The following PLXND1 variants were observed in gnomAD, a reference collection of about 807,000 sequenced individuals.
The protein encoded by PLXND1 is plexin-D1.
PLXND1 carries 54 observed loss-of-function variants against 197.7 expected under a neutral mutation model. The observed-to-expected ratio is 0.27, with a 90% confidence interval of 0.22 to 0.34. The LOEUF is 0.34. Ranked by LOEUF, PLXND1 falls within the 10% of genes least tolerant of loss-of-function variation. The pLI, the probability that PLXND1 is intolerant of heterozygous loss-of-function variation, is 1.00. For missense variants in PLXND1, 2,127 were observed against 2,699.2 expected (o/e 0.79, Z 4.70); for synonymous variants, 1,180 against 1,161.2 (o/e 1.02, Z -0.33).
chr3:129,571,897 C>A (rs369507843), intron 15 of PLXND1, 53 bp from the exon 16 acceptor site: 2 of 1,519,870 alleles, frequency 1.3e-6, no homozygotes, highest in Non-Finnish European at 1.8e-6. Context: ...GCTCACCCAC[C>A]GCCAATGCCC....
rs752707971 is a variant in PLXND1, at chr3:129,606,288, G to T, written c.352C>A (p.Arg118=). The change falls in exon 1 of 36, where the codon CGG becomes AGG. Residue 118 remains arginine (R), a synonymous_variant. Coordinates refer to ENST00000324093, the MANE Select transcript of PLXND1 (RefSeq NM_015103.3). ...TTGTTGTAGTTGTCCGTGAGGCGCC[G>T]CGGGTGCTCGCACGAGGCCTGCGGC... is the stretch of plus-strand genomic sequence containing the variant. ...QLPQASCEHP[R]RLTDNYNKIL... 6 of 1,530,962 alleles carry T rather than the reference G, an allele frequency of 3.9e-6. No homozygotes were observed. The African/African-American group carries it at 7.2e-5, about 18-fold the overall frequency. The allele number at this position is 1,530,962 out of a possible 1,614,324, so 94.8% of individuals were successfully genotyped here. A position where few individuals can be genotyped will look rare whatever the true frequency, so the allele number is the denominator to read the frequency against.
rs775659642 is a variant in PLXND1 at position 129,573,726 on chromosome 3, G to T, written c.2705C>A (p.Pro902Gln). 2.0e-5 allele frequency: 32 copies of T among 1,613,362 alleles called. No homozygotes were observed. The African/African-American group carries it at 2.7e-4, about 13-fold the overall frequency. Reference sequence around the variant, plus strand: ...GGTCAGCAGGGTCCCACCGTCCAACGGGCCACTCAGGGGCTCAATCTGCCA... The same window carrying T: ...GGTCAGCAGGGTCCCACCGTCCAACTGGCCACTCAGGGGCTCAATCTGCCA... ...EIHAIEPLSG[P>Q]LDGGTLLTIR... The change falls in exon 13 of 36, where the codon CCG becomes CAG. Residue 902 changes from proline to glutamine, a missense_variant. Pro to Gln is a moderately conservative substitution (Grantham distance 76). Transcript: ENST00000324093.
rs2084986593 is a variant in PLXND1, at chr3:129,557,140, C to T, written c.5529G>A (p.Gln1843=). The T allele has an allele frequency of 6.2e-7, 1 of 1,614,186 alleles. No individual in the cohort carries two copies. The highest frequency in any genetic ancestry group is 1.6e-4 in the Middle Eastern group (1 of 6,062). ...KIVQRYYKQI[Q]DMTPLSEQEM... The stretch of plus-strand genomic sequence containing the variant: ...CTTGCTCGCTGAGCGGCGTCATGTC[C>T]TGGATCTGCTTGTAGTAGCGCTGCA... The change falls in exon 34 of 36, where the codon CAG becomes CAA. Residue 1843 remains glutamine, a synonymous_variant. Coordinates refer to ENST00000324093, the MANE Select transcript of PLXND1 (RefSeq NM_015103.3). This position sits in a 1 kb window ranked among gnomAD's most constrained non-coding sequence, Gnocchi z 4.8.
chr3:129,565,290 T>C (rs1283485271), intron 25 of PLXND1, 50 bp downstream of exon 25: 1 of 1,526,162 alleles, frequency 6.6e-7, no homozygotes, highest in Non-Finnish European at 9.1e-7. Flanking sequence ...TGCCGCTGAG[T>C]CCCTGCCACG....
intron 1 of PLXND1, among the ~76,000 whole-genome samples, chr3:129,603,411 T>C (rs1055403772): frequency 1.3e-5 from 2 of 152,064 alleles, no homozygotes; most frequent in East Asian, 3.9e-4. Flanking sequence ...ATCCCACAGA[T>C]CAGCTTACAC....
At position 129,572,699 on chromosome 3, in the gene PLXND1, C is replaced by T. The variant is rs745795153; in HGVS notation, c.2987G>A (p.Gly996Asp). Reference sequence around the variant, plus strand: ...ATTCCCATGGATGGTGATCCTGGTGCCCCCGGCCTTGGGGCCCATGGTAGG... The same window carrying T: ...ATTCCCATGGATGGTGATCCTGGTGTCCCCGGCCTTGGGGCCCATGGTAGG... ...LEPTMGPKAG[G>D]TRITIHGNDL... The change falls in exon 15 of 36, where the codon GGC (glycine) becomes GAC (aspartate). Residue 996 changes from glycine to aspartate, a missense_variant. Physicochemically the swap from Gly to Asp is moderately conservative, Grantham distance 94 (BLOSUM62 -1). This residue lies in a region of PLXND1 where 1,095 missense variants were observed against 1,259.8 expected (regional missense o/e 0.87). Coordinates refer to ENST00000324093, the MANE Select transcript of PLXND1 (RefSeq NM_015103.3). 6.2e-7 allele frequency: 1 copy of T among 1,602,390 alleles called. No individual in the cohort carries two copies. Among genetic ancestry groups the T allele is most frequent in the Non-Finnish European group, 8.5e-7 (1 of 1,173,976 alleles).
At chr3:129,578,229 C>T (rs2085340357) in intron 9 of PLXND1, 100 bp downstream of exon 9, 3 of 763,622 alleles carry the variant, frequency 3.9e-6, no homozygotes, top group Non-Finnish European at 7.0e-6. Flanking sequence ...TGCAGTGGGC[C>T]CAGAGCAGGG....
At chr3:129,563,335 C>T (rs1223350952) in intron 25 of PLXND1, 95 bp from the exon 26 acceptor site, 8 of 979,794 alleles carry the variant, frequency 8.2e-6, no homozygotes, top group Non-Finnish European at 1.2e-5. Flanking sequence ...CCCCCAACCC[C>T]TCCAACAGTC....
chr3:129,591,706 A>G (rs2085544684), intron 1 of PLXND1: 1 of 152,208 alleles, frequency 6.6e-6, no homozygotes, highest in African/African-American at 2.4e-5. Context: ...AAAGAAAGAA[A>G]GAAAATTCAG....
chr3:129,576,495 C>A (rs558424927), intron 9 of PLXND1, among the ~76,000 whole-genome samples: 3 of 152,338 alleles, frequency 2.0e-5, no homozygotes, highest in Non-Finnish European at 4.4e-5. Flanking sequence ...CCTAGAGCTG[C>A]CCCCATCCCT....
Position 129,556,407 on chromosome 3 carries a change from T to G in PLXND1, c.5683A>C (p.Asn1895His). 2 of 1,614,100 alleles carry G rather than the reference T, an allele frequency of 1.2e-6. No homozygotes were observed. Among genetic ancestry groups the G allele is most frequent in the Non-Finnish European group, 1.7e-6 (2 of 1,179,944 alleles). Residue 1895 changes from asparagine (N) to histidine (H), a missense_variant, in exon 36 of 36, where the codon AAC becomes CAC. Physicochemically the swap from Asn to His is moderately conservative, Grantham distance 68. Coordinates refer to ENST00000324093, the MANE Select transcript of PLXND1 (RefSeq NM_015103.3). Reference protein sequence around the residue: ...RPQIMAALEANPTARRTQLQH... With the variant: ...RPQIMAALEAHPTARRTQLQH... ...AGTTGTGTCCTCCGGGCCGTGGGGTTGGCCTCCAGCGCGGCCATGATCTGA... is the reference window on the plus strand; with the variant it reads ...AGTTGTGTCCTCCGGGCCGTGGGGTGGGCCTCCAGCGCGGCCATGATCTGA...
rs774664636 is a variant in PLXND1 at position 129,567,554 on chromosome 3, G to C, written c.4024C>G (p.Arg1342Gly). The C allele has an allele frequency of 6.2e-7, 1 of 1,612,150 alleles. No homozygotes were observed. Residue 1342 changes from arginine to glycine, a missense_variant, in exon 22 of 36, where the codon CGC becomes GGC. This residue lies in a region of PLXND1 where 532 missense variants were observed against 811.0 expected (regional missense o/e 0.66). Transcript: ENST00000324093. ...TCCAGGAAGGGGATGCCCTGGCTGC[G>C]GTTCAGCTCCTTGGTGAGATCTGTC... Reference protein sequence around the residue: ...DMTDLTKELNRSQGIPFLEYK... With the variant: ...DMTDLTKELNGSQGIPFLEYK...
chr3:129,589,570 C>T (rs943297215), intron 1 of PLXND1, 43 bp from the exon 2 acceptor site: 3 of 1,491,930 alleles, frequency 2.0e-6, no homozygotes, highest in East Asian at 2.5e-5. Flanking sequence ...CCAGAACCTT[C>T]TCCGGCTCCC....
intron 1 of PLXND1, among the ~76,000 whole-genome samples, chr3:129,597,431 G>A (rs2085641477): frequency 6.6e-6 from 1 of 152,170 alleles, no homozygotes; most frequent in Non-Finnish European, 1.5e-5. Flanking sequence ...CAGGCAAGGG[G>A]GTTTGGCCAC....
chr3:129,577,353 T>G lies in PLXND1; in HGVS notation c.2346+976A>C, dbSNP rs2085327305. On this transcript the variant is annotated intron_variant, in intron 9 of 35. Transcript: ENST00000324093. This position sits in a 1 kb window ranked among gnomAD's most constrained non-coding sequence, Gnocchi z 5.0. ...AGAATCGGCAGGACTCAAGTCAGGC[T>G]CACACCTCCCCATCCCAGGCGCCCA... Among the ~76,000 whole-genome samples, 1 of 152,064 alleles carries G rather than the reference T, an allele frequency of 6.6e-6. No homozygotes were observed.
At chr3:129,575,971 C>T in intron 9 of PLXND1, 116 bp from the exon 10 acceptor site, 1 of 693,104 alleles carries the variant, frequency 1.4e-6, no homozygotes, top group East Asian at 2.7e-5. Context: ...CTTGGTCGAA[C>T]TGTCAGGCCT....
chr3:129,590,347 G>T (rs960386196), intron 1 of PLXND1, among the ~76,000 whole-genome samples: 3 of 152,084 alleles, frequency 2.0e-5, no homozygotes, highest in Admixed American at 2.0e-4. Context: ...CCCTTCTCCT[G>T]GGTCTTGGTA....
At position 129,567,751 on chromosome 3, in the gene PLXND1, G is replaced by A. The variant is rs1327363739; in HGVS notation, c.3920C>T (p.Thr1307Met). ...SRRAERYWQK[T>M]LLQMEEMESQ... ...TTCCATCTCCTCCATCTGCAGCAGC[G>A]TCTTCTGCCAGTAACGCTCAGCACG... is the stretch of plus-strand genomic sequence containing the variant. The change falls in exon 21 of 36, where the codon ACG becomes ATG. Residue 1307 changes from threonine (T) to methionine (M), a missense_variant. By Grantham distance (81) the Thr-to-Met change is moderately conservative. Around this residue, in one of 6 missense-constraint regions of PLXND1, gnomAD observed 532 missense variants for 811.0 expected, o/e 0.66. Coordinates refer to ENST00000324093, the MANE Select transcript of PLXND1 (RefSeq NM_015103.3). 3 of 1,613,520 alleles carry A rather than the reference G, an allele frequency of 1.9e-6. No homozygotes were observed. The highest frequency in any genetic ancestry group is 1.1e-5 in the South Asian group (1 of 91,074).
rs140355020 is a variant in PLXND1, at chr3:129,573,652, C to A, written c.2779G>T (p.Val927Leu). 86 of 1,613,634 alleles carry A rather than the reference C, an allele frequency of 5.3e-5. No individual in the cohort carries two copies. In the African/African-American group the frequency reaches 1.0e-3, roughly 19 times the overall value. Residue 927 changes from valine to leucine, a missense_variant, in exon 13 of 36, where the codon GTG becomes TTG. Transcript: ENST00000324093. ...GRRLSDVAHG[V>L]WIGGVACEPL... ...TCACAGGCCACACCACCAATCCACA[C>A]GCCGTGGGCCACGTCACTGAGCCGC...
Sources: allele counts gnomAD v4.1 joint callset (sites outside exome capture counted in the v4.1 genomes callset), GRCh38; gene constraint gnomAD v4.1.1; regional missense constraint gnomAD v4.1.1; non-coding constraint Gnocchi (gnomAD v3.1); transcripts MANE v1.5; gene names NCBI Gene and HGNC (gene_info 2026-07-23, HGNC 2026-07-21).